RERE: variants seen among roughly 807,000 people sequenced by gnomAD.
The protein encoded by RERE is arginine-glutamic acid dipeptide repeats, also known as arginine-glutamic acid dipeptide repeats protein.
A neutral mutation model predicts 146.1 loss-of-function variants in RERE; 40 were observed. That is an observed-to-expected ratio of 0.27 (90% confidence interval 0.21 to 0.36). The LOEUF (loss-of-function observed/expected upper bound fraction) is 0.36. Ranked by LOEUF, RERE falls within the 10% of genes least tolerant of loss-of-function variation. RERE has a pLI of 1.00. For synonymous variants in RERE, 1,003 were observed against 866.0 expected (o/e 1.16, Z -2.78); for missense variants, 1,933 against 2,138.7 (o/e 0.90, Z 1.90).
chr1:8,359,917 G>A lies in RERE; in HGVS notation c.3465C>T (p.Ala1155=), dbSNP rs373106820. 1.9e-5 allele frequency: 31 copies of A among 1,613,192 alleles called. No individual in the cohort carries two copies. The highest frequency in any genetic ancestry group is 5.3e-5 in the African/African-American group (4 of 74,922). Residue 1155 remains alanine, a synonymous_variant, in exon 19 of 23, where the codon GCC becomes GCT. Coordinates refer to ENST00000400908, the MANE Select transcript of RERE (RefSeq NM_001042681.2). The part of the protein sequence containing the change: ...ARTDLYFMPL[A]GSKLAKKREE... ...CCCTCTTCTTGGCCAGCTTGGACCC[G>A]GCCAGAGGCATGAAGTACAGGTCTG...
At chr1:8,577,397 C>A (rs1366493652) in intron 4 of RERE, among the ~76,000 whole-genome samples, 2 of 152,000 alleles carry the variant, frequency 1.3e-5, no homozygotes, top group African/African-American at 4.8e-5. Context: ...GTCTGACCAA[C>A]AGAATTGGAA....
chr1:8,753,860 C>T (rs1235922524), intron 1 of RERE: 1 of 152,164 alleles, frequency 6.6e-6, no homozygotes, highest in East Asian at 1.9e-4. Flanking sequence ...GTATGTAGGT[C>T]CCACATTCAT....
At chr1:8,489,238 T>C (rs1337052036) in intron 10 of RERE, among the ~76,000 whole-genome samples, 1 of 151,956 alleles carries the variant, frequency 6.6e-6, no homozygotes, top group East Asian at 1.9e-4. Context: ...TAGTAGCCTG[T>C]AGTCCCAGGT....
intron 1 of RERE, among the ~76,000 whole-genome samples, chr1:8,749,147 A>G (rs1640480409): frequency 6.6e-6 from 1 of 152,172 alleles, no homozygotes. Context: ...TGGAGGAGTT[A>G]AGTAACATGT....
intron 4 of RERE, among the ~76,000 whole-genome samples, chr1:8,557,731 A>AC (rs1646024507): frequency 6.6e-6 from 1 of 152,018 alleles, no homozygotes; most frequent in South Asian, 2.1e-4. Context: ...CTCTCACCTT[A>AC]CCCCTCTAAA....
chr1:8,380,876 A>G (rs966716892), intron 12 of RERE: 8 of 456,600 alleles, frequency 1.8e-5, no homozygotes, highest in Admixed American at 1.6e-4. Flanking sequence ...TGGTCCTGAA[A>G]GTGCTCAGCG....
chr1:8,553,179 C>T (rs995523711), intron 6 of RERE, among the ~76,000 whole-genome samples: 2 of 152,126 alleles, frequency 1.3e-5, no homozygotes, highest in Non-Finnish European at 2.9e-5. Context: ...GTGCGACACA[C>T]CACTAGGCCA....
intron 22 of RERE, 141 bp downstream of exon 22, chr1:8,355,278 T>C: frequency 8.7e-7 from 1 of 1,153,424 alleles, no homozygotes. Flanking sequence ...CCTTCCTCTG[T>C]TTCTCCCATC....
In RERE at chr1:8,361,430, C is replaced by T. The variant is rs147383802; in HGVS notation, c.2077G>A (p.Val693Ile). Residue 693 changes from valine to isoleucine, a missense_variant, in exon 18 of 23, where the codon GTC (valine) becomes ATC (isoleucine). Around this residue, in one of 11 missense-constraint regions of RERE, gnomAD observed 1,255 missense variants for 1,153.8 expected, o/e 1.09. Coordinates refer to ENST00000400908, the MANE Select transcript of RERE (RefSeq NM_001042681.2). ...GGGTCACTGCTACCCTCATCGTTGA[C>T]GCTGCGACTGTCTGAACTCTCTCCC... is the stretch of plus-strand genomic sequence containing the variant. ...GEGESSDSRS[V>I]NDEGSSDPKD... The T allele has an allele frequency of 2.1e-5, 34 of 1,613,700 alleles. 1 individual carries two copies. The South Asian group carries it at 2.3e-4, about 11-fold the overall frequency.
At chr1:8,731,564 T>C (rs993266184) in intron 1 of RERE, among the ~76,000 whole-genome samples, 19 of 151,590 alleles carry the variant, frequency 1.3e-4, no homozygotes, top group Admixed American at 1.1e-3. Flanking sequence ...CCCCAACACC[T>C]TTCCACCACA....
At chr1:8,414,375 TCTCTACTAAAA>T (rs36215263) in intron 12 of RERE, among the ~76,000 whole-genome samples, 1,883 of 151,896 alleles carry the variant, frequency 0.012, 38 homozygotes, top group African/African-American at 0.043. Flanking sequence ...TGAAACCCCA[TCTCTACTAAAA>T]CTCTACTAAA....
chr1:8,567,966 T>C (rs1042141971), intron 4 of RERE, among the ~76,000 whole-genome samples: 4 of 152,146 alleles, frequency 2.6e-5, no homozygotes, highest in Non-Finnish European at 5.9e-5. Context: ...ATATCAGGTG[T>C]CTGAACTGGA....
rs1641942583 is a variant in RERE at position 8,817,562 on chromosome 1, G to C, written c.-547C>G. 6.7e-6 allele frequency: 1 copy of C among 149,462 alleles called. No individual in the cohort carries two copies. Among genetic ancestry groups the C allele is most frequent in the African/African-American group, 2.5e-5 (1 of 40,502 alleles). The allele number at this position is 149,462 out of a possible 1,614,324, so 9.3% of individuals were successfully genotyped here. A position where few individuals can be genotyped will look rare whatever the true frequency, so the allele number is the denominator to read the frequency against. On this transcript the variant is annotated 5_prime_UTR_variant, in exon 1 of 23. Transcript: ENST00000400908. ...GGACGGGGGAGGAGGCGGGGACCGA[G>C]GCCCAGCGGGGCGAGCGTCTCGGGG...
chr1:8,677,409 G>C (rs962690946), intron 1 of RERE, among the ~76,000 whole-genome samples: 1 of 119,574 alleles, frequency 8.4e-6, no homozygotes, highest in East Asian at 2.6e-4. Flanking sequence ...CTGGGCGACA[G>C]AGTGAGTCTC....
intron 1 of RERE, among the ~76,000 whole-genome samples, chr1:8,777,571 G>A (rs1435009389): frequency 7.8e-6 from 1 of 127,680 alleles, no homozygotes; most frequent in Non-Finnish European, 1.6e-5. Flanking sequence ...GTCTCGCTCT[G>A]TTGCCCAGGC....
intron 12 of RERE, among the ~76,000 whole-genome samples, chr1:8,416,971 G>A (rs529515556): frequency 7.0e-6 from 1 of 143,540 alleles, no homozygotes; most frequent in South Asian, 2.1e-4. Flanking sequence ...AGTGAGGATA[G>A]ACAACGTTTG....
At chr1:8,605,277 C>T (rs1387802974) in intron 4 of RERE, among the ~76,000 whole-genome samples, 2 of 152,174 alleles carry the variant, frequency 1.3e-5, no homozygotes, top group African/African-American at 4.8e-5. Flanking sequence ...GGACTACAGG[C>T]ACATGCCACC....
chr1:8,778,876 C>A (rs1182827164), intron 1 of RERE, among the ~76,000 whole-genome samples: 4 of 151,954 alleles, frequency 2.6e-5, no homozygotes, highest in African/African-American at 9.7e-5. Flanking sequence ...TTGAGACAGT[C>A]TTCCTCTGTC....
intron 1 of RERE, among the ~76,000 whole-genome samples, chr1:8,809,959 C>T (rs183958522): frequency 1.4e-4 from 21 of 152,272 alleles, no homozygotes; most frequent in Non-Finnish European, 7.4e-5. Flanking sequence ...AAACTTCAGG[C>T]ACTGTGTCCT....
Sources: allele counts gnomAD v4.1 joint callset (sites outside exome capture counted in the v4.1 genomes callset), GRCh38; gene constraint gnomAD v4.1.1; regional missense constraint gnomAD v4.1.1; transcripts MANE v1.5; gene names NCBI Gene and HGNC (gene_info 2026-07-23, HGNC 2026-07-21).